TYW1: variants seen among roughly 807,000 people sequenced by gnomAD.
The protein encoded by TYW1 is S-adenosyl-L-methionine-dependent tRNA 4-demethylwyosine synthase TYW1.
Under a neutral mutation model 96.2 loss-of-function variants are expected in TYW1, and 46 were observed. The ratio of observed to expected loss-of-function variants is 0.48; its 90% CI spans 0.38 to 0.61. TYW1 has a LOEUF of 0.61. TYW1 is among the 20% of genes least tolerant of loss of function. The probability of loss-of-function intolerance (pLI) is 0.00; values close to 1 mark genes in which losing one functional copy is unlikely to be tolerated. For synonymous variants in TYW1, 274 were observed against 323.0 expected, an observed-to-expected ratio of 0.85 and a Z score of 1.63; for missense variants, 684 against 909.6, an observed-to-expected ratio of 0.75 and a Z score of 3.19.
At chr7:67,102,289 G>A (rs1248164390) in intron 12 of TYW1, among the ~76,000 whole-genome samples, 1 of 152,168 alleles carries the variant, frequency 6.6e-6, no homozygotes, top group Non-Finnish European at 1.5e-5. Context: ...CCAACAAAAT[G>A]CCGGCCACAT....
Position 67,109,316 on chromosome 7 carries a change from A to G in TYW1, c.1563-8167A>G, listed in dbSNP as rs185123703. Reference sequence around the variant, plus strand: ...AAAAAGAAAGAAAATATATTGATGAATGATGATAGATAAGAAAACAAAATA... The same window carrying G: ...AAAAAGAAAGAAAATATATTGATGAGTGATGATAGATAAGAAAACAAAATA... On this transcript the variant is annotated intron_variant, in intron 12 of 15. Coordinates refer to ENST00000359626, the MANE Select transcript of TYW1 (RefSeq NM_018264.4). Among the ~76,000 whole-genome samples, 371 of 151,886 alleles carry G rather than the reference A, an allele frequency of 2.4e-3. 2 individuals carry two copies. Among genetic ancestry groups the G allele is most frequent in the Non-Finnish European group, 4.4e-3 (302 of 67,924 alleles).
At position 67,017,910 on chromosome 7, in the gene TYW1, C is replaced by G; in HGVS notation, c.628C>G (p.Arg210Gly). ...WMLGAHRVMS[R>G]GEGDCDVVKS... ...GCTTGGCGCGCATCGTGTGATGAGT[C>G]GAGGGGAGGGCGACTGCGACGTGGT... The change falls in exon 6 of 16, where the codon CGA (arginine) becomes GGA (glycine). Residue 210 changes from arginine to glycine, a missense_variant. Transcript: ENST00000359626. 1 of 1,613,946 alleles carries G rather than the reference C, an allele frequency of 6.2e-7. No homozygotes were observed. Among genetic ancestry groups the G allele is most frequent in the Non-Finnish European group, 8.5e-7 (1 of 1,179,980 alleles).
chr7:67,068,034 T>G lies in TYW1; in HGVS notation c.1274+631T>G, dbSNP rs554992764. Reference sequence around the variant, plus strand: ...ATTTCTTTTTCTTTTCTTTTTTTTTTTTTTGAGATGGAGTTTCGCTCTTGT... The same window carrying G: ...ATTTCTTTTTCTTTTCTTTTTTTTTGTTTTGAGATGGAGTTTCGCTCTTGT... On this transcript the variant is annotated intron_variant, in intron 10 of 15. Coordinates refer to ENST00000359626, the MANE Select transcript of TYW1 (RefSeq NM_018264.4). Among the ~76,000 whole-genome samples the G allele has an allele frequency of 1.3e-3, 201 of 151,826 alleles. 2 individuals are homozygous for G. Among genetic ancestry groups the G allele is most frequent in the Non-Finnish European group, 6.0e-4 (41 of 67,880 alleles).
intron 13 of TYW1, among the ~76,000 whole-genome samples, chr7:67,141,928 G>A (rs1337778959): frequency 3.9e-5 from 6 of 152,116 alleles, no homozygotes; most frequent in African/African-American, 1.4e-4. Flanking sequence ...CCAGCTACTC[G>A]GGAGGCTGAG....
chr7:67,216,246 T>C (rs926171441), intron 15 of TYW1, among the ~76,000 whole-genome samples: 2 of 146,022 alleles, frequency 1.4e-5, no homozygotes, highest in African/African-American at 5.2e-5. Context: ...GGATATAATA[T>C]GATGCAAGTT....
chr7:67,134,555 A>G (rs1016512301), intron 13 of TYW1, among the ~76,000 whole-genome samples: 2 of 151,708 alleles, frequency 1.3e-5, no homozygotes, highest in East Asian at 3.9e-4. Context: ...AAAAAAAAAG[A>G]TAAATAAAAG....
At chr7:67,018,642 G>A (rs1355108163) in intron 6 of TYW1, among the ~76,000 whole-genome samples, 2 of 152,032 alleles carry the variant, frequency 1.3e-5, no homozygotes, top group East Asian at 2.0e-4. Flanking sequence ...AAGCCATATC[G>A]TGCTAGATGC....
At chr7:67,197,768 C>G (rs569803764) in intron 15 of TYW1, among the ~76,000 whole-genome samples, 1 of 152,190 alleles carries the variant, frequency 6.6e-6, no homozygotes, top group Admixed American at 6.5e-5. Flanking sequence ...TTCCTTCCTT[C>G]TTTCTTTTTC....
chr7:67,081,937 C>T (rs541078271), intron 10 of TYW1, among the ~76,000 whole-genome samples: 6 of 148,412 alleles, frequency 4.0e-5, no homozygotes, highest in South Asian at 4.4e-4. Flanking sequence ...TTTCATTCAT[C>T]GAATTCCTCA....
At chr7:67,041,094 A>T (rs1243069874) in intron 7 of TYW1, among the ~76,000 whole-genome samples, 1 of 152,190 alleles carries the variant, frequency 6.6e-6, no homozygotes, top group Non-Finnish European at 1.5e-5. Context: ...TCATAAAATC[A>T]TCAGGTCTTT....
intron 15 of TYW1, among the ~76,000 whole-genome samples, chr7:67,210,343 A>G (rs541003804): frequency 6.6e-6 from 1 of 152,308 alleles, no homozygotes; most frequent in East Asian, 1.9e-4. Context: ...AAGGGCACGC[A>G]CCTACTGCCA....
chr7:67,118,360 G>A (rs1797659904), intron 13 of TYW1, among the ~76,000 whole-genome samples: 1 of 150,650 alleles, frequency 6.6e-6, no homozygotes, highest in Non-Finnish European at 1.5e-5. Context: ...AAAATAAAAT[G>A]GCATAGTATT....
In TYW1 at chr7:67,024,817, G is replaced by GAATTCTC. The variant is rs1238594194; in HGVS notation, c.862-81_862-75dup. 1.0e-5 allele frequency: 16 copies of GAATTCTC among 1,528,686 alleles called. No homozygotes were observed. In the Admixed American group the frequency reaches 3.5e-4, roughly 33 times the overall value. 94.7% of individuals were successfully genotyped at this position (1,528,686 alleles called of 1,614,324 possible). ...AAAAAAAAGAATTTAGAGACATAGTGAATTCTCAGTGTGGGAGGGAGGGTA... is the reference window on the plus strand; with the variant it reads ...AAAAAAAAGAATTTAGAGACATAGTGAATTCTCAATTCTCAGTGTGGGAGGGAGGGTA... On this transcript the variant is annotated intron_variant, in intron 6 of 15. Coordinates refer to ENST00000359626, the MANE Select transcript of TYW1 (RefSeq NM_018264.4).
chr7:67,165,743 C>G (rs1006680626), intron 13 of TYW1, among the ~76,000 whole-genome samples: 1 of 151,872 alleles, frequency 6.6e-6, no homozygotes, highest in African/African-American at 2.4e-5. Context: ...GCCTGGGCAA[C>G]ATAGCAAAAC....
At chr7:66,998,986 T>C (rs1426174442) in intron 3 of TYW1, 32 bp downstream of exon 3, 3 of 1,611,176 alleles carry the variant, frequency 1.9e-6, no homozygotes, top group Non-Finnish European at 2.5e-6. Flanking sequence ...TTTCCTTTGG[T>C]TTCCTGACAT....
chr7:67,162,911 A>T (rs1799204620), intron 13 of TYW1, among the ~76,000 whole-genome samples: 1 of 152,210 alleles, frequency 6.6e-6, no homozygotes. Flanking sequence ...CTTCTCCCAG[A>T]TGGAAAGTAT....
Position 66,998,854 on chromosome 7 carries a change from C to A in TYW1, c.173C>A (p.Ala58Asp), listed in dbSNP as rs779541864. Residue 58 changes from alanine (A) to aspartate (D), a missense_variant, in exon 3 of 16, where the codon GCT (alanine) becomes GAT (aspartate). Transcript: ENST00000359626. ...NLQEKSVPKAAQDLMTNGYVS... is the reference protein window; with the variant it reads ...NLQEKSVPKADQDLMTNGYVS... The stretch of plus-strand genomic sequence containing the variant: ...CAGGAAAAATCTGTTCCAAAAGCAG[C>A]TCAGGATTTGATGACAAATGGTTAT... The A allele has an allele frequency of 6.2e-7, 1 of 1,614,130 alleles. No homozygotes were observed. Among genetic ancestry groups the A allele is most frequent in the Admixed American group, 1.7e-5 (1 of 60,006 alleles).
chr7:67,122,254 C>T (rs1317320113), intron 13 of TYW1, among the ~76,000 whole-genome samples: 1 of 152,096 alleles, frequency 6.6e-6, no homozygotes. Context: ...ACCATTGGCC[C>T]TCTCTCTACA....
chr7:67,163,704 T>C (rs906727933), intron 13 of TYW1, among the ~76,000 whole-genome samples: 32 of 151,158 alleles, frequency 2.1e-4, no homozygotes, highest in Non-Finnish European at 7.4e-5. Flanking sequence ...AGTCTTGCTC[T>C]GTCGCTCAGG....
Sources: allele counts gnomAD v4.1 joint callset (sites outside exome capture counted in the v4.1 genomes callset), GRCh38; gene constraint gnomAD v4.1.1; transcripts MANE v1.5; gene names NCBI Gene and HGNC (gene_info 2026-07-23, HGNC 2026-07-21).